Variants in DEFB112 observed in about 807,000 individuals in gnomAD.
The protein encoded by DEFB112 is beta-defensin 112.
In DEFB112, 2 loss-of-function variants were observed where a neutral mutation model predicts 1.1. The observed-to-expected ratio is 1.85, with a 90% confidence interval of 0.76 to 5.83. DEFB112 has a LOEUF of 5.83. DEFB112 is among the 30% of genes most tolerant of loss of function. The pLI is 0.05. For synonymous variants in DEFB112, 40 were observed against 31.2 expected, an observed-to-expected ratio of 1.28 and a Z score of -0.93; for missense variants, 120 against 94.4, an observed-to-expected ratio of 1.27 and a Z score of -1.12.
At position 50,043,754 on chromosome 6, in the gene DEFB112, T is replaced by G; in HGVS notation, c.106A>C (p.Thr36Pro). ...TTTTTACATCGACCTCCAATCGCTG[T>G]ACATGACTTCCACCTACTAAAGGTG... ...HITFSRWKSC[T>P]AIGGRCKNQC... Residue 36 changes from threonine to proline, a missense_variant, in exon 2 of 2, where the codon ACA (threonine) becomes CCA (proline). Transcript: ENST00000651554. 1 of 1,613,562 alleles carries G rather than the reference T, an allele frequency of 6.2e-7. No homozygotes were observed. The highest frequency in any genetic ancestry group is 8.5e-7 in the Non-Finnish European group (1 of 1,179,552).
rs556486470 is a variant in DEFB112, at chr6:50,043,800, G to C, written c.60C>G (p.Ala20=). The C allele has an allele frequency of 6.2e-7, 1 of 1,612,842 alleles. No homozygotes were observed. Among genetic ancestry groups the C allele is most frequent in the Non-Finnish European group, 8.5e-7 (1 of 1,179,218 alleles). ...AGGTGATATGGTGCCCTTCACTTCT[G>C]GCTGAAAGAAGGCAAGAACAGCTGG... ...LLFFGVLIPP[A]RSEGHHITFS... The change falls in exon 2 of 2, where the codon GCC becomes GCG. Residue 20 remains alanine, a splice_region_variant and synonymous_variant. Transcript: ENST00000651554.
At position 50,043,480 on chromosome 6, in the gene DEFB112, G is replaced by A; in HGVS notation, c.*95C>T. On this transcript the variant is annotated 3_prime_UTR_variant, in exon 2 of 2. Coordinates refer to ENST00000651554, the MANE Select transcript of DEFB112 (RefSeq NM_001369057.2). Reference sequence around the variant, plus strand: ...TTTATTTAATTATTTATTCATTATAGGTATGCATGCATGGAAATTATAGGT... The same window carrying A: ...TTTATTTAATTATTTATTCATTATAAGTATGCATGCATGGAAATTATAGGT... The A allele has an allele frequency of 1.3e-6, 1 of 792,418 alleles. No homozygotes were observed. The highest frequency in any genetic ancestry group is 2.1e-6 in the Non-Finnish European group (1 of 473,966). 49.1% of individuals were successfully genotyped at this position (792,418 alleles called of 1,614,324 possible).
chr6:50,048,670 T>C, intron 1 of DEFB112: 1 of 1,565,182 alleles, frequency 6.4e-7, no homozygotes, highest in Non-Finnish European at 8.8e-7. Flanking sequence ...TAAGAGGTTG[T>C]TAAGAGCTCA....
rs544439574 is a variant in DEFB112 at position 50,042,668 on chromosome 6, T to C, written c.*907A>G. On this transcript the variant is annotated 3_prime_UTR_variant, in exon 2 of 2. Coordinates refer to ENST00000651554, the MANE Select transcript of DEFB112 (RefSeq NM_001369057.2). ...GTTTGAATAAGGGGAAAATCTTTAA[T>C]CTAGGTGAGGTATTAAGACCAACTG... Among the ~76,000 whole-genome samples, 1 of 151,838 alleles carries C rather than the reference T, an allele frequency of 6.6e-6. No individual in the cohort carries two copies. The highest frequency in any genetic ancestry group is 1.9e-4 in the East Asian group (1 of 5,176).
chr6:50,044,214 G>A (rs1197039299), intron 1 of DEFB112, among the ~76,000 whole-genome samples: 1 of 151,918 alleles, frequency 6.6e-6, no homozygotes, highest in Non-Finnish European at 1.5e-5. Flanking sequence ...AACCTGACTT[G>A]AGCAGTTCTA....
rs1001254820 is a variant in DEFB112 at position 50,042,698 on chromosome 6, C to A, written c.*877G>T. On this transcript the variant is annotated 3_prime_UTR_variant, in exon 2 of 2. Transcript: ENST00000651554. ...GTGAGGTATTAAGACCAACTGCTGA[C>A]CCTTTCCCTCAAGGCCACAATTTAG... Among the ~76,000 whole-genome samples, 2 of 152,004 alleles carry A rather than the reference C, an allele frequency of 1.3e-5. No homozygotes were observed. The highest frequency in any genetic ancestry group is 2.9e-5 in the Non-Finnish European group (2 of 67,932).
intron 1 of DEFB112, among the ~76,000 whole-genome samples, chr6:50,044,106 A>T (rs1031291072): frequency 1.3e-5 from 2 of 152,088 alleles, no homozygotes; most frequent in East Asian, 1.9e-4. Flanking sequence ...ACCATTGGAT[A>T]TGAGTGGGAC....
rs1424732004 is a variant in DEFB112, at chr6:50,049,839, G to C, written c.31C>G (p.Leu11Val). Among the ~76,000 whole-genome samples the C allele has an allele frequency of 4.6e-5, 7 of 151,822 alleles. No individual in the cohort carries two copies. Among genetic ancestry groups the C allele is most frequent in the Non-Finnish European group, 8.8e-5 (6 of 67,908 alleles). Residue 11 changes from leucine to valine, a missense_variant, in exon 1 of 2, where the codon CTT becomes GTT. By Grantham distance (32) the Leu-to-Val change is conservative. Coordinates refer to ENST00000651554, the MANE Select transcript of DEFB112 (RefSeq NM_001369057.2). ...GGTGGAATAAGGACTCCAAAGAAAA[G>C]CAAAATACAGAAAAAGAGAAGGATC... MKILLFFCIL[L>V]FFGVLIPPAR...
At chr6:50,048,768 C>T in intron 1 of DEFB112, 1 of 640,698 alleles carries the variant, frequency 1.6e-6, no homozygotes, top group South Asian at 2.1e-5. Flanking sequence ...ATTTAATGGT[C>T]CTATATATTA....
chr6:50,045,966 A>T (rs2113958203), intron 1 of DEFB112, among the ~76,000 whole-genome samples: 1 of 152,260 alleles, frequency 6.6e-6, no homozygotes, highest in East Asian at 1.9e-4. Flanking sequence ...GTCATACAAC[A>T]ATTCTGTTTT....
rs3057286 is a variant in DEFB112, at chr6:50,046,221, CTGTGTG to C, written c.59-2426_59-2421del. Among the ~76,000 whole-genome samples, 751 of 141,268 alleles carry C rather than the reference CTGTGTG, an allele frequency of 5.3e-3. 14 individuals carry two copies. Among genetic ancestry groups the C allele is most frequent in the East Asian group, 0.017 (81 of 4,696 alleles). The allele number at this position is 141,268 out of a possible 152,430, so 92.7% of individuals were successfully genotyped here. The stretch of plus-strand genomic sequence containing the variant: ...TAATTCCATCATGAATTGAGGAGCA[CTGTGTG>C]TGTGTGTGTGTGTGTGTGTGTGTGT... On this transcript the variant is annotated intron_variant, in intron 1 of 1. Transcript: ENST00000651554.
At chr6:50,047,966 T>C (rs1774862577) in intron 1 of DEFB112, among the ~76,000 whole-genome samples, 1 of 151,880 alleles carries the variant, frequency 6.6e-6, no homozygotes, top group Non-Finnish European at 1.5e-5. Context: ...GCCAACATGG[T>C]GAAACCCTGT....
chr6:50,048,030 C>T (rs1015215317), intron 1 of DEFB112, among the ~76,000 whole-genome samples: 5 of 151,648 alleles, frequency 3.3e-5, no homozygotes, highest in Admixed American at 2.0e-4. Context: ...GCCTGTAATC[C>T]CAGCTACTCC....
At position 50,048,765 on chromosome 6, in the gene DEFB112, G is replaced by T. The variant is rs533797170; in HGVS notation, c.58+1047C>A. ...ACAAATGTAGTTGCCTCTATTTAAT[G>T]GTCCTATATATTATAAAAGGTTTTA... On this transcript the variant is annotated intron_variant, in intron 1 of 1. Transcript: ENST00000651554. The T allele has an allele frequency of 1.4e-5, 9 of 655,208 alleles. No homozygotes were observed. In the African/African-American group the frequency reaches 1.6e-4, roughly 12 times the overall value. The allele number at this position is 655,208 out of a possible 1,614,324, so 40.6% of individuals were successfully genotyped here. A position where few individuals can be genotyped will look rare whatever the true frequency, so the allele number is the denominator to read the frequency against.
intron 1 of DEFB112, among the ~76,000 whole-genome samples, 34 bp downstream of exon 1, chr6:50,049,778 C>T (rs1270279917): frequency 6.6e-6 from 1 of 151,764 alleles, no homozygotes; most frequent in African/African-American, 2.4e-5. Context: ...TAATGCTGGC[C>T]CCTTGACCCC....
chr6:50,043,736 A>C lies in DEFB112; in HGVS notation c.124T>G (p.Cys42Gly), dbSNP rs114426154. ...TCACTATCATCACATTGATTTTTAC[A>C]TCGACCTCCAATCGCTGTACATGAC... Reference protein sequence around the residue: ...WKSCTAIGGRCKNQCDDSEFR... With the variant: ...WKSCTAIGGRGKNQCDDSEFR... Residue 42 changes from cysteine to glycine, a missense_variant, in exon 2 of 2, where the codon TGT (cysteine) becomes GGT (glycine). Physicochemically the swap from Cys to Gly is radical, Grantham distance 159 (BLOSUM62 -3). Transcript: ENST00000651554. The C allele has an allele frequency of 2.5e-6, 4 of 1,613,496 alleles. No homozygotes were observed. In the African/African-American group the frequency reaches 5.3e-5, roughly 22 times the overall value.
intron 1 of DEFB112, 42 bp from the exon 2 acceptor site, chr6:50,043,843 G>A: frequency 1.3e-6 from 2 of 1,546,094 alleles, no homozygotes; most frequent in Admixed American, 1.7e-5. Context: ...AATCTAGGTG[G>A]GAACTCCCAA....
intron 1 of DEFB112, among the ~76,000 whole-genome samples, chr6:50,049,064 A>G (rs1774886040): frequency 6.6e-6 from 1 of 152,078 alleles, no homozygotes; most frequent in South Asian, 2.1e-4. Context: ...AAAGAAGAAA[A>G]ATTATTATCT....
In DEFB112 at chr6:50,042,285, A is replaced by T. The variant is rs958537961; in HGVS notation, c.*1290T>A. 5.3e-5 allele frequency among the ~76,000 whole-genome samples: 8 copies of T among 152,002 alleles called. No homozygotes were observed. The highest frequency in any genetic ancestry group is 1.9e-4 in the African/African-American group (8 of 41,410). On this transcript the variant is annotated 3_prime_UTR_variant, in exon 2 of 2. Transcript: ENST00000651554. ...CTGGTCAGAGAGCATAGTATTATACATATCAGGAATATCATATATAATTTG... is the reference window on the plus strand; with the variant it reads ...CTGGTCAGAGAGCATAGTATTATACTTATCAGGAATATCATATATAATTTG...
Sources: allele counts gnomAD v4.1 joint callset (sites outside exome capture counted in the v4.1 genomes callset), GRCh38; gene constraint gnomAD v4.1.1; transcripts MANE v1.5; gene names NCBI Gene and HGNC (gene_info 2026-07-23, HGNC 2026-07-21).